The following KIAA1671 variants were observed in gnomAD, a reference collection of about 807,000 sequenced individuals.
KIAA1671 encodes the protein uncharacterized protein KIAA1671.
A neutral mutation model predicts 131.2 loss-of-function variants in KIAA1671; 52 were observed. The ratio of observed to expected loss-of-function variants is 0.40; its 90% confidence interval spans 0.32 to 0.50. The LOEUF is 0.50. Ranked by LOEUF, KIAA1671 falls within the 20% of genes least tolerant of loss-of-function variation. The pLI is 0.73. For synonymous variants in KIAA1671, 1,003 were observed against 961.6 expected (o/e 1.04, Z -0.80); for missense variants, 2,360 against 2,364.2 (o/e 1.00, Z 0.04).
intron 6 of KIAA1671, among the ~76,000 whole-genome samples, chr22:25,118,588 G>A (rs999644326): frequency 2.6e-5 from 4 of 152,092 alleles, no homozygotes; most frequent in Non-Finnish European, 5.9e-5. Flanking sequence ...ACTGCATCCA[G>A]CCAACGTATC....
chr22:25,107,737 A>G (rs564174049), intron 6 of KIAA1671, among the ~76,000 whole-genome samples: 1 of 151,384 alleles, frequency 6.6e-6, no homozygotes, highest in Admixed American at 6.6e-5. Context: ...TTGGCCGGGC[A>G]TGGTGGCTCA....
chr22:25,136,851 C>T (rs1369224165), intron 6 of KIAA1671, among the ~76,000 whole-genome samples: 2 of 152,010 alleles, frequency 1.3e-5, no homozygotes, highest in Admixed American at 1.3e-4. Flanking sequence ...GAAACTTTTC[C>T]CTAGTTGGGG....
At chr22:25,183,817 T>A (rs1934377656) in intron 10 of KIAA1671, among the ~76,000 whole-genome samples, 1 of 151,260 alleles carries the variant, frequency 6.6e-6, no homozygotes, top group African/African-American at 2.4e-5. Context: ...CCACCGCATC[T>A]GGCCTTCCTC....
intron 1 of KIAA1671, among the ~76,000 whole-genome samples, chr22:24,990,092 TA>T (rs1169564342): frequency 6.6e-6 from 1 of 151,216 alleles, no homozygotes; most frequent in Non-Finnish European, 1.5e-5. Flanking sequence ...ATTTATTTTT[TA>T]TTTTTTTATT....
At chr22:25,080,914 G>A (rs1031677313) in intron 6 of KIAA1671, among the ~76,000 whole-genome samples, 1 of 152,192 alleles carries the variant, frequency 6.6e-6, no homozygotes, top group African/African-American at 2.4e-5. Flanking sequence ...TTCCCGTGCT[G>A]TTGGGAGCTT....
chr22:25,029,900 C>T (rs945576307), intron 3 of KIAA1671, among the ~76,000 whole-genome samples: 1 of 152,198 alleles, frequency 6.6e-6, no homozygotes. Context: ...AGCCTGTCTC[C>T]ATAGCTAAGC....
intron 1 of KIAA1671, among the ~76,000 whole-genome samples, chr22:24,982,374 G>C (rs1200507028): frequency 1.3e-5 from 2 of 152,204 alleles, no homozygotes; most frequent in Non-Finnish European, 2.9e-5. Context: ...AGCAAGTGTC[G>C]CGGAAGTGTT....
intron 1 of KIAA1671, among the ~76,000 whole-genome samples, chr22:25,004,656 T>C (rs898739332): frequency 6.6e-6 from 1 of 152,128 alleles, no homozygotes; most frequent in Admixed American, 6.6e-5. Flanking sequence ...TAGCTAAAAG[T>C]GTAGAAGAGG....
intron 6 of KIAA1671, among the ~76,000 whole-genome samples, chr22:25,095,146 A>C (rs1036191306): frequency 6.6e-6 from 1 of 152,146 alleles, no homozygotes; most frequent in Non-Finnish European, 1.5e-5. Flanking sequence ...CTTGAGCACA[A>C]CACCGAACAT....
intron 6 of KIAA1671, among the ~76,000 whole-genome samples, chr22:25,142,970 C>T (rs1308426684): frequency 6.6e-6 from 1 of 152,268 alleles, no homozygotes; most frequent in Non-Finnish European, 1.5e-5. Context: ...GCCCCAGCTG[C>T]GCTTCCGTTC....
chr22:25,117,585 CCACACA>C (rs4049524), intron 6 of KIAA1671, among the ~76,000 whole-genome samples: 9,489 of 123,778 alleles, frequency 0.077, 330 homozygotes, highest in Non-Finnish European at 0.079. Flanking sequence ...TCTCCCCCAA[CCACACA>C]CACACACACA....
intron 6 of KIAA1671, among the ~76,000 whole-genome samples, chr22:25,107,878 C>G (rs1018656265): frequency 1.3e-5 from 2 of 152,004 alleles, no homozygotes; most frequent in African/African-American, 4.8e-5. Flanking sequence ...CGTGGTGGTG[C>G]ACACCTGTAA....
chr22:25,179,503 C>G (rs2146031059), intron 9 of KIAA1671: 3 of 1,611,888 alleles, frequency 1.9e-6, no homozygotes, highest in Non-Finnish European at 2.5e-6. Context: ...GCAGCACCTC[C>G]CGCTCGTGCT....
At chr22:24,991,829 T>C (rs1923855939) in intron 1 of KIAA1671, among the ~76,000 whole-genome samples, 1 of 152,094 alleles carries the variant, frequency 6.6e-6, no homozygotes, top group African/African-American at 2.4e-5. Context: ...CGAGGGATCA[T>C]GGCCATAATC....
At chr22:25,114,124 C>T (rs1931533583) in intron 6 of KIAA1671, among the ~76,000 whole-genome samples, 3 of 152,164 alleles carry the variant, frequency 2.0e-5, no homozygotes, top group Admixed American at 6.5e-5. Flanking sequence ...AGAACCATTC[C>T]GTGTTGCGTC....
intron 6 of KIAA1671, among the ~76,000 whole-genome samples, chr22:25,114,855 A>C (rs1326969281): frequency 2.0e-5 from 3 of 152,346 alleles, no homozygotes; most frequent in African/African-American, 7.2e-5. Flanking sequence ...GGACAACAGC[A>C]GTATCCGTGG....
At chr22:25,101,014 G>A (rs1930634555) in intron 6 of KIAA1671, among the ~76,000 whole-genome samples, 1 of 152,216 alleles carries the variant, frequency 6.6e-6, no homozygotes. Flanking sequence ...GGGAGGTCAT[G>A]TGTTCCTTAT....
chr22:24,954,886 T>TTCTC (rs1269425849), intron 1 of KIAA1671, among the ~76,000 whole-genome samples: 1 of 152,186 alleles, frequency 6.6e-6, no homozygotes, highest in African/African-American at 2.4e-5. Flanking sequence ...GTTCAAGCAA[T>TTCTC]TCTCCGGCCT....
At chr22:25,105,356 T>C (rs1157920125) in intron 6 of KIAA1671, among the ~76,000 whole-genome samples, 1 of 152,190 alleles carries the variant, frequency 6.6e-6, no homozygotes, top group African/African-American at 2.4e-5. Context: ...CGTGATTGTC[T>C]AGAAATGGCG....
Sources: gnomAD v4.1 joint callset for allele counts (sites outside exome capture counted in the v4.1 genomes callset) on GRCh38, gnomAD v4.1.1 for gene constraint, MANE v1.5 for transcripts, NCBI Gene and HGNC (gene_info 2026-07-23, HGNC 2026-07-21) for gene names.